MMP12: variants seen among roughly 807,000 people sequenced by gnomAD.
MMP12 encodes the protein matrix metallopeptidase 12, also known as macrophage metalloelastase.
MMP12 carries 51 observed loss-of-function variants against 45.2 expected under a neutral mutation model. That is an observed-to-expected ratio of 1.13 (90% CI 0.90 to 1.42). The LOEUF is 1.42. Ranked by LOEUF, MMP12 falls within the 40% of genes most tolerant of loss-of-function variation. The pLI is 0.00. For missense variants in MMP12, 530 were observed against 570.8 expected (o/e 0.93, Z 0.73); for synonymous variants, 210 against 193.3 (o/e 1.09, Z -0.72).
chr11:102,873,164 G>T (rs868983844), intron 1 of MMP12, 52 bp from the exon 2 acceptor site: 1 of 1,539,086 alleles, frequency 6.5e-7, no homozygotes, highest in Non-Finnish European at 8.8e-7. Context: ...GAAAATTTCT[G>T]TTGGGAGCTC....
intron 5 of MMP12, 142 bp downstream of exon 5, chr11:102,867,766 T>A (rs1859420553): frequency 9.4e-6 from 8 of 847,276 alleles, no homozygotes; most frequent in Non-Finnish European, 1.5e-5. Flanking sequence ...ATGAAGATAA[T>A]ACCTGTGTCA....
intron 2 of MMP12, among the ~76,000 whole-genome samples, chr11:102,872,320 A>T (rs1040224442): frequency 2.0e-5 from 3 of 151,508 alleles, no homozygotes; most frequent in Non-Finnish European, 4.4e-5. Context: ...ATTTAGCTTC[A>T]TTCTCCTTTT....
intron 5 of MMP12, 63 bp downstream of exon 5, chr11:102,867,845 T>C: frequency 6.7e-7 from 1 of 1,481,762 alleles, no homozygotes; most frequent in South Asian, 1.2e-5. Flanking sequence ...AATATAGATA[T>C]TGTTAGACTA....
chr11:102,874,281 T>G (rs1218545166), intron 1 of MMP12, among the ~76,000 whole-genome samples: 1 of 151,940 alleles, frequency 6.6e-6, no homozygotes, highest in Non-Finnish European at 1.5e-5. Context: ...GCATGGTGGC[T>G]CCCGCCTGTA....
chr11:102,873,167 G>C (rs1041515259), intron 1 of MMP12, 55 bp from the exon 2 acceptor site: 1 of 1,522,950 alleles, frequency 6.6e-7, no homozygotes, highest in African/African-American at 1.4e-5. Flanking sequence ...AATTTCTGTT[G>C]GGAGCTCCAC....
At chr11:102,867,805 A>G in intron 5 of MMP12, 103 bp downstream of exon 5, 4 of 1,263,702 alleles carry the variant, frequency 3.2e-6, no homozygotes, top group Non-Finnish European at 4.4e-6. Context: ...TATGCGGCTT[A>G]AAAAAAGACA....
chr11:102,865,825 T>TA lies in MMP12; in HGVS notation c.1155dup (p.Asn386Ter), dbSNP rs1480981807. On this transcript the variant is annotated frameshift_variant, in exon 8 of 10. Transcript: ENST00000571244. LOFTEE classifies it high-confidence loss of function. The surrounding 1 kb of genome is among the most constrained non-coding windows in gnomAD (Gnocchi z 4.1). Reference sequence around the variant, plus strand: ...AAGTAGGTCCTATAAAAACGTGGGTTAAAAACAGCTGCATCAATTTTTTTC... The same window carrying TA: ...AAGTAGGTCCTATAAAAACGTGGGTTAAAAAACAGCTGCATCAATTTTTTTC... 1.2e-6 allele frequency: 2 copies of TA among 1,612,718 alleles called. No individual in the cohort carries two copies. Among genetic ancestry groups the TA allele is most frequent in the African/African-American group, 2.7e-5 (2 of 74,882 alleles).
chr11:102,865,677 A>T lies in MMP12; in HGVS notation c.1205+99T>A, dbSNP rs944379364. On this transcript the variant is annotated intron_variant, in intron 8 of 9. Coordinates refer to ENST00000571244, the MANE Select transcript of MMP12 (RefSeq NM_002426.6). This position sits in a 1 kb window ranked among gnomAD's most constrained non-coding sequence, Gnocchi z 4.1. ...AATCTCTCTCCCTGGAAGGTCAAGG[A>T]GCTTTGGGAATTTGCGCAGAAAATG... 3 of 916,694 alleles carry T rather than the reference A, an allele frequency of 3.3e-6. No homozygotes were observed. The Admixed American group carries it at 8.7e-5, about 27-fold the overall frequency. 56.8% of individuals were successfully genotyped at this position (916,694 alleles called of 1,614,324 possible). A position where few individuals can be genotyped will look rare whatever the true frequency, so the allele number is the denominator to read the frequency against.
At position 102,863,190 on chromosome 11, in the gene MMP12, AT is replaced by A; in HGVS notation, c.1322del (p.Tyr441PhefsTer22). On this transcript the variant is annotated frameshift_variant, in exon 10 of 10. Transcript: ENST00000571244. LOFTEE classifies it low-confidence loss of function (END_TRUNC). Reference sequence around the variant, plus strand: ...CAAATTGGTTAGATCCTTGGAAGAAATAGTAGTATTCTGAAAATGAAAACAA... The same window carrying A: ...CAAATTGGTTAGATCCTTGGAAGAAAAGTAGTATTCTGAAAATGAAAACAA... The part of the protein sequence containing the change: ...AVFYSKNKYY[Y>X]FFQGSNQFEY... 6.3e-7 allele frequency: 1 copy of A among 1,583,674 alleles called. No homozygotes were observed. The highest frequency in any genetic ancestry group is 1.7e-5 in the Admixed American group (1 of 58,254).
chr11:102,866,395 G>T lies in MMP12; in HGVS notation c.965C>A (p.Ser322Tyr). 1 of 1,608,742 alleles carries T rather than the reference G, an allele frequency of 6.2e-7. No homozygotes were observed. Among genetic ancestry groups the T allele is most frequent in the Non-Finnish European group, 8.5e-7 (1 of 1,177,624 alleles). ...ERPKTSVNLI[S>Y]SLWPTLPSGI... ...AGATGGCAAGGTTGGCCATAAGGAA[G>T]AAATTAAATTAACACTGGTCTTTGG... Residue 322 changes from serine to tyrosine, a missense_variant, in exon 7 of 10, where the codon TCT (serine) becomes TAT (tyrosine). Ser to Tyr is a moderately radical substitution (Grantham distance 144). Transcript: ENST00000571244.
In MMP12 at chr11:102,865,819, G is replaced by C; in HGVS notation, c.1162C>G (p.Arg388Gly). 1 of 1,612,458 alleles carries C rather than the reference G, an allele frequency of 6.2e-7. No individual in the cohort carries two copies. Among genetic ancestry groups the C allele is most frequent in the East Asian group, 2.2e-5 (1 of 44,802 alleles). The change falls in exon 8 of 10, where the codon CGT becomes GGT. Residue 388 changes from arginine (R) to glycine (G), a missense_variant. By Grantham distance (125) the Arg-to-Gly change is moderately radical. Coordinates refer to ENST00000571244, the MANE Select transcript of MMP12 (RefSeq NM_002426.6). The surrounding 1 kb of genome is among the most constrained non-coding windows in gnomAD (Gnocchi z 4.1). ...ACAAAGAAGTAGGTCCTATAAAAAC[G>C]TGGGTTAAAAACAGCTGCATCAATT... ...KKIDAAVFNP[R>G]FYRTYFFVDN...
chr11:102,874,953 G>T lies in MMP12; in HGVS notation c.-16C>A. On this transcript the variant is annotated 5_prime_UTR_variant, in exon 1 of 10. Coordinates refer to ENST00000571244, the MANE Select transcript of MMP12 (RefSeq NM_002426.6). The stretch of plus-strand genomic sequence containing the variant: ...GAAACTTCATTGTAAACTTCTAAAC[G>T]GATCAATTCAGTTTACTGTGTTCCT... 1.3e-6 allele frequency: 2 copies of T among 1,499,234 alleles called. No individual in the cohort carries two copies. The highest frequency in any genetic ancestry group is 1.2e-5 in the South Asian group (1 of 83,474). 92.9% of individuals were successfully genotyped at this position (1,499,234 alleles called of 1,614,324 possible). A position where few individuals can be genotyped will look rare whatever the true frequency, so the allele number is the denominator to read the frequency against.
chr11:102,872,355 T>C (rs1859514608), intron 2 of MMP12, among the ~76,000 whole-genome samples: 1 of 152,228 alleles, frequency 6.6e-6, no homozygotes, highest in Admixed American at 6.5e-5. Context: ...TTTTCTTTTT[T>C]TTTGAGATGG....
Position 102,863,035 on chromosome 11 carries a change from G to T in MMP12, c.*65C>A. ...TAAGTAGTGGTACACTGAGGACATA[G>T]CAAATATGCAATAAATACTTATTAA... On this transcript the variant is annotated 3_prime_UTR_variant, in exon 10 of 10. Transcript: ENST00000571244. 1 of 1,034,252 alleles carries T rather than the reference G, an allele frequency of 9.7e-7. No individual in the cohort carries two copies. The highest frequency in any genetic ancestry group is 1.5e-6 in the Non-Finnish European group (1 of 680,392). 64.1% of individuals were successfully genotyped at this position (1,034,252 alleles called of 1,614,324 possible).
Position 102,867,950 on chromosome 11 carries a change from G to T in MMP12, c.745C>A (p.Arg249Ser), listed in dbSNP as rs183458117. ...CCACGTATGTCATCAGCAGAGAGGC[G>T]AAATGTGTTGATGTCAACATATTTG... ...TYKYVDINTF[R>S]LSADDIRGIQ... Residue 249 changes from arginine (R) to serine (S), a missense_variant, in exon 5 of 10, where the codon CGC becomes AGC. Arg to Ser is a moderately radical substitution (Grantham distance 110). Coordinates refer to ENST00000571244, the MANE Select transcript of MMP12 (RefSeq NM_002426.6). The T allele has an allele frequency of 2.0e-5, 32 of 1,609,832 alleles. No homozygotes were observed. Among genetic ancestry groups the T allele is most frequent in the Non-Finnish European group, 1.9e-5 (22 of 1,178,280 alleles).
rs1555008374 is a variant in MMP12, at chr11:102,865,437, A to G, written c.1205+339T>C. Among the ~76,000 whole-genome samples, 3 of 152,216 alleles carry G rather than the reference A, an allele frequency of 2.0e-5. No individual in the cohort carries two copies. Among genetic ancestry groups the G allele is most frequent in the Non-Finnish European group, 4.4e-5 (3 of 68,044 alleles). ...AGTGATTACAGAAAGGAATCTGGAA[A>G]TCCATAACCCTCGAAACTGACTGTA... is the stretch of plus-strand genomic sequence containing the variant. On this transcript the variant is annotated intron_variant, in intron 8 of 9. Transcript: ENST00000571244. This position sits in a 1 kb window ranked among gnomAD's most constrained non-coding sequence, Gnocchi z 4.1.
In MMP12 at chr11:102,871,810, G is replaced by A. The variant is rs201575382; in HGVS notation, c.493C>T (p.Arg165Cys). The change falls in exon 3 of 10, where the codon CGT (arginine) becomes TGT (cysteine). Residue 165 changes from arginine (R) to cysteine (C), a missense_variant. Physicochemically the swap from Arg to Cys is radical, Grantham distance 180. Coordinates refer to ENST00000571244, the MANE Select transcript of MMP12 (RefSeq NM_002426.6). ...TGAAATACAAGTTCCCTACCTCCAC[G>A]GGCAAAAACCACCAAAATGTCAGCC... The part of the protein sequence containing the change: ...GMADILVVFA[R>C]GAHGDFHAFD... 4.7e-5 allele frequency: 76 copies of A among 1,612,842 alleles called. No individual in the cohort carries two copies. The South Asian group carries it at 6.6e-4, about 14-fold the overall frequency.
At chr11:102,867,720 C>T (rs914677901) in intron 5 of MMP12, among the ~76,000 whole-genome samples, 188 bp downstream of exon 5, 1 of 152,064 alleles carries the variant, frequency 6.6e-6, no homozygotes, top group Non-Finnish European at 1.5e-5. Context: ...CTGGCTCTGA[C>T]GTTAACATAC....
At chr11:102,872,489 C>T (rs368541829) in intron 2 of MMP12, among the ~76,000 whole-genome samples, 52 of 152,104 alleles carry the variant, frequency 3.4e-4, no homozygotes, top group African/African-American at 8.2e-4. Context: ...TACAGGTGCG[C>T]GCCACCACGC....
Sources: allele counts gnomAD v4.1 joint callset (sites outside exome capture counted in the v4.1 genomes callset), GRCh38; gene constraint gnomAD v4.1.1; non-coding constraint Gnocchi (gnomAD v3.1); transcripts MANE v1.5; gene names NCBI Gene and HGNC (gene_info 2026-07-23, HGNC 2026-07-21).